Variants in SKIC3 observed in about 807,000 individuals in gnomAD.
The protein encoded by SKIC3 is superkiller complex protein 3.
At chr5:95,512,773 A>G in the SKIC3 span, 44,401 of 779,264 alleles carry the variant, frequency 0.057, 1,544 homozygotes, top group Non-Finnish European at 0.07. Context: ...AAGGGTCACT[A>G]TGATAAAACA....
the SKIC3 span, chr5:95,528,048 C>T: frequency 6.2e-7 from 1 of 1,613,704 alleles, no homozygotes. Context: ...TCTGAAGAGT[C>T]ATAATCTGAG....
chr5:95,469,675 T>G, the SKIC3 span: 4 of 1,500,692 alleles, frequency 2.7e-6, no homozygotes, highest in Non-Finnish European at 3.7e-6. Flanking sequence ...GTTTGTTAAA[T>G]TGGTCTGTTA....
chr5:95,509,788 T>G, the SKIC3 span: 1 of 777,032 alleles, frequency 1.3e-6, no homozygotes, highest in Non-Finnish European at 2.2e-6. Context: ...GATTACCTCT[T>G]GAGATCACTC....
the SKIC3 span, chr5:95,464,455 G>T: frequency 8.5e-6 from 5 of 587,734 alleles, no homozygotes; most frequent in African/African-American, 1.9e-5. Context: ...ACAGAAAATT[G>T]CATTCCTAAC....
chr5:95,529,692 TC>T, the SKIC3 span, among the ~76,000 whole-genome samples: 1 of 152,160 alleles, frequency 6.6e-6, no homozygotes, highest in African/African-American at 2.4e-5. Context: ...TGTAGGTTCT[TC>T]CAGAAACATC....
chr5:95,490,688 CG>C, the SKIC3 span, among the ~76,000 whole-genome samples: 1 of 151,692 alleles, frequency 6.6e-6, no homozygotes. Flanking sequence ...TTAGTAGAGA[CG>C]GGGTTTCACC....
At chr5:95,466,852 G>A in the SKIC3 span, among the ~76,000 whole-genome samples, 3 of 152,000 alleles carry the variant, frequency 2.0e-5, no homozygotes, top group Admixed American at 6.6e-5. Flanking sequence ...TCATTCTTAC[G>A]GCTTTTTCTT....
the SKIC3 span, among the ~76,000 whole-genome samples, chr5:95,480,830 C>G: frequency 6.6e-6 from 1 of 152,110 alleles, no homozygotes; most frequent in Non-Finnish European, 1.5e-5. Flanking sequence ...CCAAATGAAT[C>G]TCACAGACAT....
the SKIC3 span, among the ~76,000 whole-genome samples, chr5:95,547,598 T>C: frequency 6.6e-6 from 1 of 152,140 alleles, no homozygotes; most frequent in East Asian, 1.9e-4. Flanking sequence ...TCTTAAATTA[T>C]AGATGATCAA....
chr5:95,551,880 A>G, the SKIC3 span, among the ~76,000 whole-genome samples: 1 of 152,236 alleles, frequency 6.6e-6, no homozygotes, highest in Non-Finnish European at 1.5e-5. Context: ...GACATAATCT[A>G]TACTAATAAT....
At chr5:95,503,695 A>G in the SKIC3 span, 1 of 1,442,486 alleles carries the variant, frequency 6.9e-7, no homozygotes, top group Non-Finnish European at 9.6e-7. Context: ...ACTCCTAGTC[A>G]GATTTTAATA....
chr5:95,523,321 C>T, the SKIC3 span: 10 of 1,612,464 alleles, frequency 6.2e-6, no homozygotes, highest in Admixed American at 1.7e-5. Flanking sequence ...TAGCTAAAGC[C>T]ATTTCCTAAT....
chr5:95,466,371 C>A, the SKIC3 span, among the ~76,000 whole-genome samples: 28 of 152,180 alleles, frequency 1.8e-4, no homozygotes, highest in Admixed American at 5.9e-4. Flanking sequence ...ATCCTATCTG[C>A]CTATTTGCCT....
At chr5:95,542,197 T>C in the SKIC3 span, among the ~76,000 whole-genome samples, 2 of 152,288 alleles carry the variant, frequency 1.3e-5, no homozygotes, top group African/African-American at 4.8e-5. Context: ...AATAAACACT[T>C]TTAATGGCTA....
the SKIC3 span, among the ~76,000 whole-genome samples, chr5:95,469,314 A>G: frequency 1.3e-5 from 2 of 152,190 alleles, no homozygotes; most frequent in African/African-American, 4.8e-5. Flanking sequence ...TGGATTTTCT[A>G]GATAGGAAAC....
the SKIC3 span, chr5:95,467,909 A>G: frequency 6.2e-7 from 1 of 1,613,694 alleles, no homozygotes; most frequent in South Asian, 1.1e-5. Context: ...GTGTCTCAGT[A>G]GGTACCAACG....
chr5:95,488,341 C>T, the SKIC3 span, among the ~76,000 whole-genome samples: 5 of 152,098 alleles, frequency 3.3e-5, no homozygotes, highest in Admixed American at 2.0e-4. Context: ...TAGAGATGCA[C>T]AAATATTTAC....
the SKIC3 span, chr5:95,541,186 G>A: frequency 3.9e-5 from 35 of 894,470 alleles, no homozygotes; most frequent in Middle Eastern, 3.2e-4. Flanking sequence ...GGCTGGTCTC[G>A]AACTCCCGAC....
the SKIC3 span, among the ~76,000 whole-genome samples, chr5:95,486,452 C>T: frequency 3.3e-5 from 5 of 152,200 alleles, no homozygotes; most frequent in Non-Finnish European, 4.4e-5. Flanking sequence ...GAAAGCAACC[C>T]CACCCTACCT....
Sources: gnomAD v4.1 joint callset for allele counts (sites outside exome capture counted in the v4.1 genomes callset) on GRCh38, gnomAD v4.1.1 for gene constraint, MANE v1.5 for transcripts, NCBI Gene and HGNC (gene_info 2026-07-23, HGNC 2026-07-21) for gene names.